Variants in KCNIP4 observed in about 807,000 individuals in gnomAD.
KCNIP4 encodes Kv channel-interacting protein 4.
In KCNIP4, 12 loss-of-function variants were observed where a neutral mutation model predicts 34.0. That is an observed-to-expected ratio of 0.35 (90% confidence interval 0.23 to 0.57). The LOEUF (loss-of-function observed/expected upper bound fraction) is 0.57, where lower values mean the gene tolerates loss of function less well. Ranked by LOEUF, KCNIP4 falls within the 20% of genes least tolerant of loss-of-function variation. The pLI is 0.83. For synonymous variants in KCNIP4, 124 were observed against 102.2 expected, an observed-to-expected ratio of 1.21 and a Z score of -1.29; for missense variants, 238 against 311.7, an observed-to-expected ratio of 0.76 and a Z score of 1.78.
intron 1 of KCNIP4, among the ~76,000 whole-genome samples, chr4:21,077,660 A>G (rs1367019975): frequency 6.6e-6 from 1 of 152,184 alleles, no homozygotes; most frequent in African/African-American, 2.4e-5. Flanking sequence ...AGCCATATCT[A>G]CTTCTCAGTG....
At chr4:21,206,816 G>A (rs1756883055) in intron 1 of KCNIP4, among the ~76,000 whole-genome samples, 1 of 152,134 alleles carries the variant, frequency 6.6e-6, no homozygotes, top group East Asian at 1.9e-4. Context: ...TATTCCCAAG[G>A]TCATAACACA....
chr4:21,365,391 A>G (rs567540629), intron 1 of KCNIP4, among the ~76,000 whole-genome samples: 1 of 151,840 alleles, frequency 6.6e-6, no homozygotes, highest in Non-Finnish European at 1.5e-5. Context: ...AGGCTGAGAC[A>G]TGAGAATCCC....
chr4:20,991,964 G>A (rs1408999918), intron 1 of KCNIP4, among the ~76,000 whole-genome samples: 2 of 152,168 alleles, frequency 1.3e-5, no homozygotes, highest in East Asian at 1.9e-4. Context: ...TCAGAGCTGC[G>A]TAAGCTCATT....
At chr4:21,392,763 C>T (rs1317772049) in intron 1 of KCNIP4, among the ~76,000 whole-genome samples, 1 of 152,182 alleles carries the variant, frequency 6.6e-6, no homozygotes, top group South Asian at 2.1e-4. Context: ...TATTAACTTA[C>T]AACATTTGCA....
At chr4:21,326,636 T>G (rs1715094717) in intron 1 of KCNIP4, among the ~76,000 whole-genome samples, 1 of 151,806 alleles carries the variant, frequency 6.6e-6, no homozygotes, top group African/African-American at 2.4e-5. Flanking sequence ...CCATTTACAT[T>G]CAAGGTTATC....
At chr4:21,754,427 T>A (rs528706129) in intron 1 of KCNIP4, among the ~76,000 whole-genome samples, 4 of 152,330 alleles carry the variant, frequency 2.6e-5, no homozygotes, top group Non-Finnish European at 4.4e-5. Flanking sequence ...AGTATCTGGC[T>A]TATTATAGGA....
intron 1 of KCNIP4, among the ~76,000 whole-genome samples, chr4:21,030,695 AACTTATAAC>A (rs1740950064): frequency 6.6e-6 from 1 of 152,188 alleles, no homozygotes; most frequent in African/African-American, 2.4e-5. Flanking sequence ...TCATCATTAT[AACTTATAAC>A]ACTAATAATA....
At chr4:21,567,224 T>C (rs1187017749) in intron 1 of KCNIP4, among the ~76,000 whole-genome samples, 1 of 152,020 alleles carries the variant, frequency 6.6e-6, no homozygotes, top group African/African-American at 2.4e-5. Flanking sequence ...AATAAATATA[T>C]ATGTGTAGAT....
At chr4:21,598,721 T>C (rs1742851967) in intron 1 of KCNIP4, among the ~76,000 whole-genome samples, 1 of 149,304 alleles carries the variant, frequency 6.7e-6, no homozygotes, top group South Asian at 2.1e-4. Context: ...AATGTTTAAC[T>C]AAGAAAAGTA....
At chr4:20,865,541 A>T (rs1262536228) in intron 2 of KCNIP4, among the ~76,000 whole-genome samples, 1 of 152,090 alleles carries the variant, frequency 6.6e-6, no homozygotes, top group East Asian at 1.9e-4. Context: ...AAAAAAGAAG[A>T]TCCTACTATT....
At chr4:20,820,315 C>A (rs908903893) in intron 3 of KCNIP4, among the ~76,000 whole-genome samples, 15 of 152,134 alleles carry the variant, frequency 9.9e-5, no homozygotes, top group African/African-American at 3.6e-4. Flanking sequence ...AATAACTTGG[C>A]TGAATTGTCT....
intron 1 of KCNIP4, among the ~76,000 whole-genome samples, chr4:21,602,296 T>G (rs965633880): frequency 6.6e-6 from 1 of 152,166 alleles, no homozygotes; most frequent in African/African-American, 2.4e-5. Context: ...TTGCATGTCC[T>G]TCTCCCAAAT....
chr4:21,035,364 T>C (rs1741362875), intron 1 of KCNIP4, among the ~76,000 whole-genome samples: 1 of 152,212 alleles, frequency 6.6e-6, no homozygotes, highest in African/African-American at 2.4e-5. Flanking sequence ...AGTAGAGTGG[T>C]TGAAGTCACC....
intron 1 of KCNIP4, chr4:21,849,153 C>G (rs1724214820): frequency 6.6e-6 from 1 of 152,030 alleles, no homozygotes. Context: ...CTAATGAATG[C>G]AATATTTTAT....
intron 1 of KCNIP4, among the ~76,000 whole-genome samples, chr4:21,359,617 C>G (rs1263374104): frequency 1.3e-5 from 2 of 152,026 alleles, no homozygotes; most frequent in Non-Finnish European, 2.9e-5. Context: ...TATAAAATAA[C>G]ACTGAAAATG....
chr4:21,756,519 A>G (rs1175687079), intron 1 of KCNIP4, among the ~76,000 whole-genome samples: 1 of 148,712 alleles, frequency 6.7e-6, no homozygotes, highest in Admixed American at 6.8e-5. Context: ...GCACCACTGC[A>G]CTCCAGCCTG....
chr4:21,840,499 C>T (rs557148713), intron 1 of KCNIP4, among the ~76,000 whole-genome samples: 1 of 152,158 alleles, frequency 6.6e-6, no homozygotes, highest in South Asian at 2.1e-4. Flanking sequence ...TGTTTCAAAC[C>T]AAATGGCTCA....
At chr4:21,582,271 T>C (rs1056739239) in intron 1 of KCNIP4, 24 of 151,988 alleles carry the variant, frequency 1.6e-4, no homozygotes, top group Admixed American at 1.4e-3. Flanking sequence ...CCAACATTAA[T>C]GCTCTGCTAC....
intron 2 of KCNIP4, among the ~76,000 whole-genome samples, chr4:20,861,864 C>G (rs572109724): frequency 1.3e-5 from 2 of 152,074 alleles, no homozygotes; most frequent in South Asian, 4.1e-4. Context: ...ATAAATAACT[C>G]TTCAACAAGC....
Sources: gnomAD v4.1 joint callset for allele counts (sites outside exome capture counted in the v4.1 genomes callset) on GRCh38, gnomAD v4.1.1 for gene constraint, MANE v1.5 for transcripts, NCBI Gene and HGNC (gene_info 2026-07-23, HGNC 2026-07-21) for gene names.